Variants in SLC8A1 observed in about 807,000 individuals in gnomAD.
SLC8A1 encodes sodium/calcium exchanger 1.
Under a neutral mutation model 68.3 loss-of-function variants are expected in SLC8A1, and 18 were observed. That is an observed-to-expected ratio of 0.26 (90% CI 0.18 to 0.39). The LOEUF (loss-of-function observed/expected upper bound fraction) is 0.39. Among genes scored for constraint, SLC8A1 ranks in the 10% least tolerant of loss-of-function variants. The pLI, the probability that SLC8A1 is intolerant of heterozygous loss-of-function variation, is 1.00. For missense variants in SLC8A1, 985 were observed against 1,156.7 expected (o/e 0.85, Z 2.15); for synonymous variants, 475 against 415.5 (o/e 1.14, Z -1.74).
At chr2:40,352,724 AT>A (rs1321272694) in intron 2 of SLC8A1, among the ~76,000 whole-genome samples, 1 of 152,200 alleles carries the variant, frequency 6.6e-6, no homozygotes, top group Non-Finnish European at 1.5e-5. Flanking sequence ...AGGCAGTCAC[AT>A]TTTAGTCAGT....
chr2:40,357,924 T>C (rs1673239713), intron 2 of SLC8A1, among the ~76,000 whole-genome samples: 1 of 151,664 alleles, frequency 6.6e-6, no homozygotes, highest in Admixed American at 6.6e-5. Context: ...TGTTTTTGAG[T>C]TGCATGGTTC....
intron 2 of SLC8A1, among the ~76,000 whole-genome samples, chr2:40,383,587 G>A (rs962234329): frequency 8.6e-5 from 13 of 151,878 alleles, no homozygotes; most frequent in African/African-American, 3.1e-4. Context: ...TAGAGAAGTA[G>A]GTACTAACAG....
At chr2:40,296,492 T>C (rs192642448) in intron 2 of SLC8A1, among the ~76,000 whole-genome samples, 32 of 152,318 alleles carry the variant, frequency 2.1e-4, no homozygotes, top group Non-Finnish European at 3.4e-4. Context: ...CTGGGCATAA[T>C]TGAAGTTCCC....
At chr2:40,455,337 G>A (rs1218210850), upstream of SLC8A1, among the ~76,000 whole-genome samples, 1 of 152,146 alleles carries the variant, frequency 6.6e-6, no homozygotes, top group African/African-American at 2.4e-5. Flanking sequence ...GGGAAAACAA[G>A]CACAATACTC....
intron 2 of SLC8A1, among the ~76,000 whole-genome samples, chr2:40,276,476 A>T (rs186043595): frequency 9.2e-5 from 14 of 152,322 alleles, no homozygotes; most frequent in Admixed American, 2.0e-4. Context: ...TCTATTCCTA[A>T]TGCATTATTC....
At chr2:40,450,022 C>G (rs1448105120) in intron 1 of SLC8A1, among the ~76,000 whole-genome samples, 2 of 152,150 alleles carry the variant, frequency 1.3e-5, no homozygotes, top group Non-Finnish European at 2.9e-5. Flanking sequence ...ATTTGTAAAA[C>G]GAAAACCATT....
At chr2:40,278,346 G>A (rs1389098094) in intron 2 of SLC8A1, among the ~76,000 whole-genome samples, 1 of 152,026 alleles carries the variant, frequency 6.6e-6, no homozygotes, top group Non-Finnish European at 1.5e-5. Flanking sequence ...GTGCGCACCT[G>A]TAATCCCAGC....
At chr2:40,307,128 G>A (rs1229091998) in intron 2 of SLC8A1, among the ~76,000 whole-genome samples, 2 of 145,818 alleles carry the variant, frequency 1.4e-5, no homozygotes, top group Non-Finnish European at 3.0e-5. Flanking sequence ...CAGATGACTG[G>A]CTAAAGAAAA....
intron 2 of SLC8A1, among the ~76,000 whole-genome samples, chr2:40,390,667 C>T (rs1684973982): frequency 6.6e-6 from 1 of 152,064 alleles, no homozygotes; most frequent in East Asian, 1.9e-4. Context: ...TTGAAATGTG[C>T]CATTTTCACA....
At chr2:40,196,966 A>G (rs1339979106) in intron 2 of SLC8A1, among the ~76,000 whole-genome samples, 1 of 152,034 alleles carries the variant, frequency 6.6e-6, no homozygotes, top group African/African-American at 2.4e-5. Flanking sequence ...AGTCTGTAGC[A>G]TATTCTGCAG....
At position 40,351,442 on chromosome 2, in the gene SLC8A1, G is replaced by C. The variant is rs576585947; in HGVS notation, c.1808+77031C>G. On this transcript the variant is annotated intron_variant, in intron 2 of 7. Coordinates refer to ENST00000406785, the Ensembl canonical transcript of SLC8A1. The stretch of plus-strand genomic sequence containing the variant: ...AAGGGAGACCATACCAATCACTAGG[G>C]CTTCATCATACTACTACTTTTTCCA... Among the ~76,000 whole-genome samples the C allele has an allele frequency of 1.1e-4, 17 of 150,592 alleles. No homozygotes were observed. In the South Asian group the frequency reaches 3.3e-3, roughly 29 times the overall value.
intron 2 of SLC8A1, among the ~76,000 whole-genome samples, chr2:40,286,843 T>C (rs762480190): frequency 6.6e-6 from 1 of 152,218 alleles, no homozygotes; most frequent in Non-Finnish European, 1.5e-5. Context: ...TGTGCTTGAT[T>C]GGTCTGATCA....
At chr2:40,404,021 A>C (rs1267474828) in intron 2 of SLC8A1, among the ~76,000 whole-genome samples, 1 of 152,186 alleles carries the variant, frequency 6.6e-6, no homozygotes, top group Non-Finnish European at 1.5e-5. Flanking sequence ...CTAATAGAGA[A>C]TATTAACCTT....
At chr2:40,115,440 G>A in exon 8 of SLC8A1, 1 of 1,614,182 alleles carries the variant, frequency 6.2e-7, no homozygotes, top group Non-Finnish European at 8.5e-7. Context: ...GGTGAAGAGA[G>A]TGACAGAGAA....
intron 2 of SLC8A1, among the ~76,000 whole-genome samples, chr2:40,286,083 T>C (rs1052148796): frequency 6.6e-6 from 1 of 152,196 alleles, no homozygotes; most frequent in Non-Finnish European, 1.5e-5. Flanking sequence ...CAGTACCCAG[T>C]GCCTAGAATA....
chr2:40,349,340 C>T (rs1207592214), intron 2 of SLC8A1, among the ~76,000 whole-genome samples: 1 of 151,872 alleles, frequency 6.6e-6, no homozygotes, highest in Non-Finnish European at 1.5e-5. Flanking sequence ...ACAGAGTGGG[C>T]AGGAAGAGAA....
At chr2:40,376,982 C>T (rs1213085621) in intron 2 of SLC8A1, among the ~76,000 whole-genome samples, 2 of 151,994 alleles carry the variant, frequency 1.3e-5, no homozygotes, top group African/African-American at 4.8e-5. Flanking sequence ...TGAGTGGGAA[C>T]AATACATACA....
At chr2:40,475,227 G>A (rs1002761641) in intron 1 of SLC8A1, among the ~76,000 whole-genome samples, 9 of 152,146 alleles carry the variant, frequency 5.9e-5, no homozygotes, top group East Asian at 5.8e-4. Context: ...TCCGTCTCCC[G>A]GGTTCACGCC....
intron 2 of SLC8A1, among the ~76,000 whole-genome samples, chr2:40,218,260 T>C (rs1426725587): frequency 1.3e-5 from 2 of 152,200 alleles, no homozygotes; most frequent in African/African-American, 4.8e-5. Context: ...CATTTCCTGT[T>C]GCTAGCTGTG....
Sources: gnomAD v4.1 joint callset for allele counts (sites outside exome capture counted in the v4.1 genomes callset) on GRCh38, gnomAD v4.1.1 for gene constraint, MANE v1.5 for transcripts, NCBI Gene and HGNC (gene_info 2026-07-23, HGNC 2026-07-21) for gene names.